The following LHX4 variants were observed in gnomAD, a reference collection of about 807,000 sequenced individuals.
The protein encoded by LHX4 is LIM homeobox 4, also known as LIM/homeobox protein Lhx4.
In LHX4, 16 loss-of-function variants were observed where a neutral mutation model predicts 39.2. The ratio of observed to expected loss-of-function variants is 0.41; its 90% CI spans 0.28 to 0.62. LHX4 has a LOEUF of 0.62. LHX4 is among the 20% of genes least tolerant of loss of function. The probability of loss-of-function intolerance (pLI) is 0.33; values close to 1 mark genes in which losing one functional copy is unlikely to be tolerated. For missense variants in LHX4, 439 were observed against 511.9 expected, an observed-to-expected ratio of 0.86 and a Z score of 1.37; for synonymous variants, 206 against 198.1, an observed-to-expected ratio of 1.04 and a Z score of -0.33.
chr1:180,243,288 T>C (rs547603633), intron 1 of LHX4, among the ~76,000 whole-genome samples: 1 of 151,864 alleles, frequency 6.6e-6, no homozygotes, highest in Non-Finnish European at 1.5e-5. Flanking sequence ...TGTACCTCTG[T>C]AAGGGGAGGG....
At chr1:180,270,563 C>T (rs1443918603) in intron 3 of LHX4, 7 of 152,370 alleles carry the variant, frequency 4.6e-5, no homozygotes, top group Admixed American at 2.0e-4. Context: ...CTAACAGGAA[C>T]TTGAGCTTGT....
intron 2 of LHX4, among the ~76,000 whole-genome samples, chr1:180,251,396 C>T (rs1036997785): frequency 1.3e-5 from 2 of 152,222 alleles, no homozygotes; most frequent in South Asian, 2.1e-4. Context: ...TCCAGCTCCG[C>T]GGCAGACAGG....
chr1:180,250,348 T>TGTGTGTGTGTGTGC (rs561965552), intron 2 of LHX4, among the ~76,000 whole-genome samples: 1 of 63,436 alleles, frequency 1.6e-5, no homozygotes, highest in Non-Finnish European at 3.3e-5. Context: ...TGTGTGTGTG[T>TGTGTGTGTGTGTGC]GCGCGCGTGG....
intron 1 of LHX4, among the ~76,000 whole-genome samples, chr1:180,238,902 G>A (rs940445987): frequency 1.3e-5 from 2 of 152,328 alleles, no homozygotes; most frequent in South Asian, 2.1e-4. Flanking sequence ...TTTTCCCTGC[G>A]TGGGGACTGC....
intron 1 of LHX4, among the ~76,000 whole-genome samples, chr1:180,245,627 T>C (rs1186950028): frequency 2.0e-5 from 3 of 152,148 alleles, no homozygotes; most frequent in African/African-American, 7.2e-5. Flanking sequence ...ATGACAGTTA[T>C]CTCCTAATAA....
intron 1 of LHX4, among the ~76,000 whole-genome samples, chr1:180,243,950 G>A (rs1647281803): frequency 6.6e-6 from 1 of 152,174 alleles, no homozygotes. Flanking sequence ...TCTCAGGTTG[G>A]GTTAGTCCAT....
In LHX4 at chr1:180,230,296, G is replaced by A. The variant is rs1664144967; in HGVS notation, c.-234G>A. 1.7e-6 allele frequency: 1 copy of A among 598,310 alleles called. No individual in the cohort carries two copies. The highest frequency in any genetic ancestry group is 3.0e-6 in the Non-Finnish European group (1 of 334,710). 37.1% of individuals were successfully genotyped at this position (598,310 alleles called of 1,614,324 possible). On this transcript the variant is annotated 5_prime_UTR_variant, in exon 1 of 6. It adds an upstream start codon to the 5' untranslated region. Coordinates refer to ENST00000263726, the MANE Select transcript of LHX4 (RefSeq NM_033343.4). The surrounding 1 kb of genome is among the most constrained non-coding windows in gnomAD (Gnocchi z 5.8). ...CAGCAACAGCGTCTCAACCTGGGAT[G>A]TGCACCAACCCCGGAGAGCGAGATC...
In LHX4 at chr1:180,271,033, A is replaced by G. The variant is rs143192763; in HGVS notation, c.452-347A>G. 4 of 369,050 alleles carry G rather than the reference A, an allele frequency of 1.1e-5. No individual in the cohort carries two copies. The East Asian group carries it at 2.7e-4, about 24-fold the overall frequency. The allele number at this position is 369,050 out of a possible 1,614,324, so 22.9% of individuals were successfully genotyped here. On this transcript the variant is annotated intron_variant, in intron 3 of 5. Transcript: ENST00000263726. ...ACCTTCACAGCTCTGGCAAGAACTC[A>G]TGAGGATGTGTGAGCAGAGTGTTTG...
intron 3 of LHX4, chr1:180,271,060 C>CA (rs1039878601): frequency 2.4e-6 from 1 of 413,286 alleles, no homozygotes; most frequent in African/African-American, 2.0e-5. Flanking sequence ...GAGTGTTTGT[C>CA]ATGACAGGGA....
chr1:180,265,715 T>C (rs1016897628), intron 2 of LHX4, among the ~76,000 whole-genome samples: 1 of 152,210 alleles, frequency 6.6e-6, no homozygotes, highest in Non-Finnish European at 1.5e-5. Context: ...TGCAGCTTCC[T>C]GGGCCCTTCC....
At chr1:180,239,820 G>A (rs911433425) in intron 1 of LHX4, among the ~76,000 whole-genome samples, 1 of 152,150 alleles carries the variant, frequency 6.6e-6, no homozygotes, top group South Asian at 2.1e-4. Flanking sequence ...GAGTGCTGGT[G>A]GTCTTAAGGC....
In LHX4 at chr1:180,276,690, G is replaced by A. The variant is rs1349981630; in HGVS notation, c.*2111G>A. On this transcript the variant is annotated 3_prime_UTR_variant, in exon 6 of 6. Coordinates refer to ENST00000263726, the MANE Select transcript of LHX4 (RefSeq NM_033343.4). ...CTGCTTAAAATACACAGGAGAAAAG[G>A]CTCTGCTGGGCAATGAACCAGATGA... 1 of 152,144 alleles carries A rather than the reference G, an allele frequency of 6.6e-6. No homozygotes were observed. Among genetic ancestry groups the A allele is most frequent in the African/African-American group, 2.4e-5 (1 of 41,430 alleles). 9.4% of individuals were successfully genotyped at this position (152,144 alleles called of 1,614,324 possible).
In LHX4 at chr1:180,278,267, AGTTTT is replaced by A. The variant is rs1553285599; in HGVS notation, c.*3694_*3698del. ...AGAAAAATTCAATTAAGCGGAAATG[AGTTTT>A]GTTTTATTGCCTGCTGCTGAAGGGC... On this transcript the variant is annotated 3_prime_UTR_variant, in exon 6 of 6. Transcript: ENST00000263726. 6.6e-6 allele frequency: 1 copy of A among 152,170 alleles called. No individual in the cohort carries two copies. The highest frequency in any genetic ancestry group is 6.5e-5 in the Admixed American group (1 of 15,284). The allele number at this position is 152,170 out of a possible 1,614,324, so 9.4% of individuals were successfully genotyped here.
chr1:180,244,340 C>G (rs901110711), intron 1 of LHX4, among the ~76,000 whole-genome samples: 8 of 152,198 alleles, frequency 5.3e-5, no homozygotes, highest in African/African-American at 1.7e-4. Flanking sequence ...GGTTTGGTCC[C>G]AAGGCCTCTC....
chr1:180,229,459 C>G (rs372223259), upstream of LHX4, among the ~76,000 whole-genome samples: 8 of 152,162 alleles, frequency 5.3e-5, no homozygotes, highest in African/African-American at 1.7e-4. Context: ...CCGCGCACAG[C>G]CCCTGGTCCC....
Position 180,232,155 on chromosome 1 carries a change from C to T in LHX4, c.76+1550C>T, listed in dbSNP as rs1264205621. 6.6e-6 allele frequency among the ~76,000 whole-genome samples: 1 copy of T among 152,134 alleles called. No individual in the cohort carries two copies. The highest frequency in any genetic ancestry group is 1.5e-5 in the Non-Finnish European group (1 of 68,030). ...AAACAGAAACCCTGCAAAGGTGCAC[C>T]GAGTCCTTAAGCTGCTTGTAGCTCT... On this transcript the variant is annotated intron_variant, in intron 1 of 5. Coordinates refer to ENST00000263726, the MANE Select transcript of LHX4 (RefSeq NM_033343.4). This position sits in a 1 kb window ranked among gnomAD's most constrained non-coding sequence, Gnocchi z 5.4.
chr1:180,248,681 T>TG, intron 2 of LHX4: 1 of 613,230 alleles, frequency 1.6e-6, no homozygotes, highest in Non-Finnish European at 3.0e-6. Flanking sequence ...GATCTCTGCA[T>TG]GGGGCAGGGG....
chr1:180,238,051 A>G (rs1033818720), intron 1 of LHX4, among the ~76,000 whole-genome samples: 9 of 152,378 alleles, frequency 5.9e-5, no homozygotes, highest in Middle Eastern at 3.4e-3. Flanking sequence ...ACGTGACAAT[A>G]TATCACCTAG....
chr1:180,262,561 C>CT (rs1317344406), intron 2 of LHX4, among the ~76,000 whole-genome samples: 3 of 151,778 alleles, frequency 2.0e-5, no homozygotes, highest in Non-Finnish European at 2.9e-5. Flanking sequence ...AAGTATGCAA[C>CT]TTTTTTTGGT....
Sources: allele counts gnomAD v4.1 joint callset (sites outside exome capture counted in the v4.1 genomes callset), GRCh38; gene constraint gnomAD v4.1.1; non-coding constraint Gnocchi (gnomAD v3.1); transcripts MANE v1.5; gene names NCBI Gene and HGNC (gene_info 2026-07-23, HGNC 2026-07-21).